GSN: variants seen among roughly 807,000 people sequenced by gnomAD.
GSN encodes the protein gelsolin.
In GSN, 56 loss-of-function variants were observed where a neutral mutation model predicts 85.7. The ratio of observed to expected loss-of-function variants is 0.65; its 90% CI spans 0.53 to 0.82. The LOEUF (loss-of-function observed/expected upper bound fraction) is 0.82. Among genes scored for constraint, GSN ranks in the 40% least tolerant of loss-of-function variants. The pLI is 0.00. For missense variants in GSN, 857 were observed against 979.8 expected (o/e 0.87, Z 1.67); for synonymous variants, 373 against 399.1 (o/e 0.93, Z 0.78).
chr9:121,295,556 G>T (rs1444974165), intron 2 of GSN, among the ~76,000 whole-genome samples: 1 of 152,210 alleles, frequency 6.6e-6, no homozygotes, highest in African/African-American at 2.4e-5. Context: ...GTACACTGTG[G>T]CTGGGGATGG....
rs1444630911 is a variant in GSN, at chr9:121,326,525, A to C, written c.1430A>C (p.Gln477Pro). 14 of 1,613,764 alleles carry C rather than the reference A, an allele frequency of 8.7e-6. No individual in the cohort carries two copies. The highest frequency in any genetic ancestry group is 1.2e-5 in the Non-Finnish European group (14 of 1,179,992). Residue 477 changes from glutamine to proline, a missense_variant, in exon 13 of 18, where the codon CAA becomes CCA. Transcript: ENST00000432226. ...GGTPVQSRVVQGKEPAHLMSL... is the reference protein window; with the variant it reads ...GGTPVQSRVVPGKEPAHLMSL... ...TCTCCCTGCCAGAGCCGTGTGGTCC[A>C]AGGCAAGGAGCCCGCCCACCTCATG... is the stretch of plus-strand genomic sequence containing the variant.
rs529331459 is a variant in GSN at position 121,314,125 on chromosome 9, C to G, written c.753+102C>G. ...CTGCTATGGGACCTTGAGCAAAGCA[C>G]CCCTTTGGAGGGGGGCCTCAGCTTT... On this transcript the variant is annotated intron_variant, in intron 7 of 17. Coordinates refer to ENST00000432226, the MANE Select transcript of GSN (RefSeq NM_198252.3). 7.5e-6 allele frequency: 7 copies of G among 936,370 alleles called. No individual in the cohort carries two copies. In the African/African-American group the frequency reaches 1.1e-4, roughly 15 times the overall value. 58.0% of individuals were successfully genotyped at this position (936,370 alleles called of 1,614,324 possible). A position where few individuals can be genotyped will look rare whatever the true frequency, so the allele number is the denominator to read the frequency against.
chr9:121,299,576 C>T lies in GSN; in HGVS notation c.-9-2387C>T, dbSNP rs2059561611. The T allele has an allele frequency of 1.6e-6, 1 of 639,122 alleles. No homozygotes were observed. The allele number at this position is 639,122 out of a possible 1,614,324, so 39.6% of individuals were successfully genotyped here. ...GCGTCGCAGGAGGCTCAGCTGGGCT[C>T]GCCGCCGCTCGTGCCTGCGCCCATT... On this transcript the variant is annotated intron_variant, in intron 2 of 17. Transcript: ENST00000432226. The surrounding 1 kb of genome is among the most constrained non-coding windows in gnomAD (Gnocchi z 4.2).
upstream of GSN, among the ~76,000 whole-genome samples, chr9:121,266,987 C>G (rs1351532483): frequency 6.6e-6 from 1 of 152,152 alleles, no homozygotes; most frequent in Non-Finnish European, 1.5e-5. Context: ...CTTTTCTGCT[C>G]TGATCCCCAG....
intron 11 of GSN, among the ~76,000 whole-genome samples, chr9:121,323,371 G>GTTGTT (rs2062731782): frequency 8.5e-6 from 1 of 117,750 alleles, no homozygotes; most frequent in Admixed American, 9.4e-5. Flanking sequence ...TCCCATTACC[G>GTTGTT]TTTTTTTTTT....
chr9:121,292,585 G>A (rs988781852), intron 2 of GSN, among the ~76,000 whole-genome samples: 9 of 152,312 alleles, frequency 5.9e-5, no homozygotes, highest in African/African-American at 2.2e-4. Context: ...CACCCCACCA[G>A]GTTGGCATCT....
rs1435550826 is a variant in GSN at position 121,329,089 on chromosome 9, G to A, written c.1887+74G>A. 1 of 1,587,966 alleles carries A rather than the reference G, an allele frequency of 6.3e-7. No individual in the cohort carries two copies. Among genetic ancestry groups the A allele is most frequent in the Non-Finnish European group, 8.6e-7 (1 of 1,164,150 alleles). On this transcript the variant is annotated intron_variant, in intron 15 of 17. Transcript: ENST00000432226. The surrounding 1 kb of genome is among the most constrained non-coding windows in gnomAD (Gnocchi z 4.6). ...TTCCACAGGACTGGCCGGCAGCAGG[G>A]GCAGGAGAAACAGTTCTGATGGTGT... is the stretch of plus-strand genomic sequence containing the variant.
chr9:121,209,132 T>G (rs959817319), intron 1 of GSN, among the ~76,000 whole-genome samples: 3 of 152,244 alleles, frequency 2.0e-5, no homozygotes, highest in African/African-American at 7.2e-5. Flanking sequence ...GGTTGGTAGC[T>G]GAAGGGTGCC....
Position 121,324,634 on chromosome 9 carries a change from C to G in GSN, c.1406C>G (p.Thr469Ser). 6.5e-7 allele frequency: 1 copy of G among 1,528,524 alleles called. No homozygotes were observed. Among genetic ancestry groups the G allele is most frequent in the Non-Finnish European group, 8.9e-7 (1 of 1,128,732 alleles). The allele number at this position is 1,528,524 out of a possible 1,614,324, so 94.7% of individuals were successfully genotyped here. Residue 469 changes from threonine (T) to serine (S), a missense_variant, in exon 12 of 18, where the codon ACC (threonine) becomes AGC (serine). Transcript: ENST00000432226. ...CAGCTGGATGAGGAGCTGGGAGGTA[C>G]CCCTGTCCAGGTGAGCCCAGCCCAC... ...TAQLDEELGG[T>S]PVQSRVVQGK...
intron 5 of GSN, among the ~76,000 whole-genome samples, chr9:121,231,561 A>G (rs1401828567): frequency 6.6e-6 from 1 of 152,180 alleles, no homozygotes. Flanking sequence ...AAAAACAAAA[A>G]ACAAAATAAC....
chr9:121,270,893 G>A (rs2055844236), intron 1 of GSN, among the ~76,000 whole-genome samples: 2 of 152,096 alleles, frequency 1.3e-5, no homozygotes, highest in Admixed American at 6.5e-5. Context: ...CTGTGTCTGC[G>A]GCCTCTGGGT....
At chr9:121,246,194 T>G (rs1313620650) in intron 5 of GSN, among the ~76,000 whole-genome samples, 2 of 152,206 alleles carry the variant, frequency 1.3e-5, no homozygotes, top group Non-Finnish European at 2.9e-5. Flanking sequence ...AGCTGGGTGG[T>G]GGGCACATTA....
chr9:121,326,628 C>T lies in GSN; in HGVS notation c.1533C>T (p.Ser511=), dbSNP rs1255553947. The T allele has an allele frequency of 1.9e-6, 3 of 1,602,594 alleles. No individual in the cohort carries two copies. The highest frequency in any genetic ancestry group is 2.6e-6 in the Non-Finnish European group (3 of 1,173,166). ...SREGGQTAPA[S]TRLFQVRANS... ...AGGGCGGGCAGACAGCCCCTGCCAGCACCCGCCTCTTCCAGGTCCGCGCCA... is the reference window on the plus strand; with the variant it reads ...AGGGCGGGCAGACAGCCCCTGCCAGTACCCGCCTCTTCCAGGTCCGCGCCA... The change falls in exon 13 of 18, where the codon AGC becomes AGT. Residue 511 remains serine (S), a synonymous_variant. Coordinates refer to ENST00000432226, the MANE Select transcript of GSN (RefSeq NM_198252.3).
intron 2 of GSN, chr9:121,286,147 G>A: frequency 6.5e-7 from 1 of 1,535,516 alleles, no homozygotes; most frequent in Non-Finnish European, 8.7e-7. Flanking sequence ...CCTCGCGATG[G>A]CCGAGGAAGA....
At chr9:121,239,150 T>C in intron 5 of GSN, 1 of 342,380 alleles carries the variant, frequency 2.9e-6, no homozygotes, top group Non-Finnish European at 5.8e-6. Context: ...GCTAAGTCTG[T>C]ATAAGTGTAA....
intron 4 of GSN, among the ~76,000 whole-genome samples, chr9:121,220,740 G>A (rs1002174903): frequency 6.6e-6 from 1 of 152,218 alleles, no homozygotes; most frequent in Non-Finnish European, 1.5e-5. Context: ...TAATATGCCA[G>A]TAAAAGTTCT....
chr9:121,273,172 T>C (rs1484157489), intron 1 of GSN, among the ~76,000 whole-genome samples: 1 of 152,062 alleles, frequency 6.6e-6, no homozygotes, highest in African/African-American at 2.4e-5. Flanking sequence ...AGTGAAGGGG[T>C]CGCACCAGTG....
rs2060043352 is a variant in GSN at position 121,302,978 on chromosome 9, G to C, written c.264G>C (p.Leu88=). The change falls in exon 4 of 18, where the codon CTG becomes CTC. Residue 88 remains leucine (L), a synonymous_variant. Transcript: ENST00000432226. ...AIFTVQLDDY[L]NGRAVQHREV... Reference sequence around the variant, plus strand: ...TTACCGTGCAGCTGGATGACTACCTGAACGGCCGGGCCGTGCAGCACCGTG... The same window carrying C: ...TTACCGTGCAGCTGGATGACTACCTCAACGGCCGGGCCGTGCAGCACCGTG... The C allele has an allele frequency of 1.2e-6, 2 of 1,613,986 alleles. No homozygotes were observed. The highest frequency in any genetic ancestry group is 1.7e-6 in the Non-Finnish European group (2 of 1,180,010).
At chr9:121,202,193 G>T in the GSN span, among the ~76,000 whole-genome samples, 1 of 152,268 alleles carries the variant, frequency 6.6e-6, no homozygotes, top group Non-Finnish European at 1.5e-5. Flanking sequence ...AACTAGGGTT[G>T]TCGCTCGTGG....
Sources: allele counts gnomAD v4.1 joint callset (sites outside exome capture counted in the v4.1 genomes callset), GRCh38; gene constraint gnomAD v4.1.1; non-coding constraint Gnocchi (gnomAD v3.1); transcripts MANE v1.5; gene names NCBI Gene and HGNC (gene_info 2026-07-23, HGNC 2026-07-21).